The following PRRX1 variants were observed in gnomAD, a reference collection of about 807,000 sequenced individuals.
PRRX1 encodes the protein paired related homeobox 1, also known as paired mesoderm homeobox protein 1.
A neutral mutation model predicts 24.0 loss-of-function variants in PRRX1; 8 were observed. The observed-to-expected ratio is 0.33, with a 90% CI of 0.20 to 0.60. The LOEUF (loss-of-function observed/expected upper bound fraction) is 0.60. Ranked by LOEUF, PRRX1 falls within the 20% of genes least tolerant of loss-of-function variation. The pLI, the probability that PRRX1 is intolerant of heterozygous loss-of-function variation, is 0.82. For missense variants in PRRX1, 281 were observed against 322.4 expected (o/e 0.87, Z 0.98); for synonymous variants, 160 against 131.7 (o/e 1.22, Z -1.47).
intron 1 of PRRX1, among the ~76,000 whole-genome samples, chr1:170,681,687 T>C (rs1321210702): frequency 1.3e-5 from 2 of 152,170 alleles, no homozygotes; most frequent in African/African-American, 4.8e-5. Context: ...TCCAAAAGTA[T>C]GGCCTTGAAC....
chr1:170,734,575 T>C (rs1438512544), intron 3 of PRRX1, among the ~76,000 whole-genome samples: 1 of 152,036 alleles, frequency 6.6e-6, no homozygotes, highest in Non-Finnish European at 1.5e-5. Context: ...TGAGTAAGAG[T>C]TAAGCAGGCA....
Position 170,719,769 on chromosome 1 carries a change from A to T in PRRX1, c.285A>T (p.Arg95=). The change falls in exon 2 of 4, where the codon CGA becomes CGT. Residue 95 remains arginine, a synonymous_variant. Coordinates refer to ENST00000239461, the MANE Select transcript of PRRX1 (RefSeq NM_022716.4). Reference sequence around the variant, plus strand: ...AAGAAAAAAAGAAGAGAAAGCAGCGAAGGAATAGGACAACCTTCAATAGCA... The same window carrying T: ...AAGAAAAAAAGAAGAGAAAGCAGCGTAGGAATAGGACAACCTTCAATAGCA... ...NSEEKKKRKQ[R]RNRTTFNSSQ... is the part of the protein sequence containing the mutation. 1 of 1,614,232 alleles carries T rather than the reference A, an allele frequency of 6.2e-7. No homozygotes were observed.
rs139841996 is a variant in PRRX1, at chr1:170,725,843, GC to G, written c.418-376del. 2.5e-3 allele frequency among the ~76,000 whole-genome samples: 374 copies of G among 152,306 alleles called. 2 individuals carry two copies. The highest frequency in any genetic ancestry group is 8.6e-3 in the African/African-American group (359 of 41,580). On this transcript the variant is annotated intron_variant, in intron 2 of 3. Coordinates refer to ENST00000239461, the MANE Select transcript of PRRX1 (RefSeq NM_022716.4). The stretch of plus-strand genomic sequence containing the variant: ...TCACATTTTGAAGAATTTTGAAAAA[GC>G]TTTTAGAAAAGTCATTATTTCTGTG...
At chr1:170,689,999 A>G (rs534803342) in intron 1 of PRRX1, among the ~76,000 whole-genome samples, 1 of 151,812 alleles carries the variant, frequency 6.6e-6, no homozygotes, top group South Asian at 2.1e-4. Context: ...CCTCATCTGT[A>G]TGAAACACTT....
chr1:170,669,994 G>A (rs1323707262), intron 1 of PRRX1, among the ~76,000 whole-genome samples: 1 of 152,064 alleles, frequency 6.6e-6, no homozygotes, highest in Admixed American at 6.6e-5. Flanking sequence ...TAAAACGTGG[G>A]GGCTCGCATT....
chr1:170,735,868 T>C (rs935011690), intron 3 of PRRX1, among the ~76,000 whole-genome samples, 180 bp from the exon 4 acceptor site: 1 of 152,214 alleles, frequency 6.6e-6, no homozygotes, highest in Non-Finnish European at 1.5e-5. Context: ...ATGACCACTC[T>C]TCCCTAAGTA....
At chr1:170,665,182 A>T (rs1201153815) in intron 1 of PRRX1, among the ~76,000 whole-genome samples, 1 of 152,214 alleles carries the variant, frequency 6.6e-6, no homozygotes. Flanking sequence ...CCAGCCCCGC[A>T]TGATCCCGCA....
intron 3 of PRRX1, among the ~76,000 whole-genome samples, chr1:170,734,770 TCTTAA>T (rs1401737023): frequency 6.6e-6 from 1 of 152,186 alleles, no homozygotes; most frequent in African/African-American, 2.4e-5. Context: ...TCATTATATT[TCTTAA>T]CTTAATTTTC....
At chr1:170,726,556 G>C in intron 3 of PRRX1, 155 bp downstream of exon 3, 1 of 910,704 alleles carries the variant, frequency 1.1e-6, no homozygotes, top group South Asian at 1.7e-5. Context: ...TTTCCCAGGA[G>C]ATTATAAGCT....
chr1:170,664,507 G>T, intron 1 of PRRX1, 48 bp downstream of exon 1: 1 of 1,561,754 alleles, frequency 6.4e-7, no homozygotes, highest in Non-Finnish European at 8.7e-7. Flanking sequence ...GGGACAGAGG[G>T]CGGGGACCCG....
At chr1:170,714,819 C>T (rs190612607) in intron 1 of PRRX1, among the ~76,000 whole-genome samples, 1 of 152,284 alleles carries the variant, frequency 6.6e-6, no homozygotes, top group East Asian at 1.9e-4. Context: ...GAGTGAACTT[C>T]ATACTAGAGC....
At chr1:170,667,553 T>G (rs1261744541) in intron 1 of PRRX1, 1 of 151,840 alleles carries the variant, frequency 6.6e-6, no homozygotes, top group Non-Finnish European at 1.5e-5. Flanking sequence ...TACTTGGAAG[T>G]CAGGACAGCT....
chr1:170,703,423 G>C (rs1654456105), intron 1 of PRRX1, among the ~76,000 whole-genome samples: 1 of 152,170 alleles, frequency 6.6e-6, no homozygotes. Flanking sequence ...GAGGTTCTTA[G>C]CAAGTAGTTA....
chr1:170,721,021 G>C lies in PRRX1; in HGVS notation c.417+1120G>C, dbSNP rs556458958. ...TTGCAGATGAGAAAACTGAGACACA[G>C]AGAGGTCAAAGTATTTTGCACAACA... On this transcript the variant is annotated intron_variant, in intron 2 of 3. Coordinates refer to ENST00000239461, the MANE Select transcript of PRRX1 (RefSeq NM_022716.4). 3.3e-5 allele frequency among the ~76,000 whole-genome samples: 5 copies of C among 152,334 alleles called. No individual in the cohort carries two copies. The East Asian group carries it at 9.7e-4, about 29-fold the overall frequency.
chr1:170,714,583 C>T (rs545300374), intron 1 of PRRX1, among the ~76,000 whole-genome samples: 9 of 152,208 alleles, frequency 5.9e-5, no homozygotes, highest in Non-Finnish European at 8.8e-5. Flanking sequence ...CTTTAAATTA[C>T]GTTTGGCTGA....
At chr1:170,716,512 A>G (rs1654912385) in intron 1 of PRRX1, among the ~76,000 whole-genome samples, 1 of 150,926 alleles carries the variant, frequency 6.6e-6, no homozygotes, top group African/African-American at 2.4e-5. Context: ...TGAACCCAGG[A>G]GGCGGAGGTT....
chr1:170,717,685 T>C (rs1283454147), intron 1 of PRRX1, among the ~76,000 whole-genome samples: 1 of 152,166 alleles, frequency 6.6e-6, no homozygotes, highest in African/African-American at 2.4e-5. Context: ...TTGTATTACT[T>C]AGAAAGACCT....
At chr1:170,707,588 A>G (rs1172634468) in intron 1 of PRRX1, among the ~76,000 whole-genome samples, 2 of 152,150 alleles carry the variant, frequency 1.3e-5, no homozygotes, top group Non-Finnish European at 2.9e-5. Flanking sequence ...GAATCTCCTG[A>G]GTCTATGAAA....
At chr1:170,729,557 G>A (rs993548131) in intron 3 of PRRX1, among the ~76,000 whole-genome samples, 1 of 152,128 alleles carries the variant, frequency 6.6e-6, no homozygotes, top group Non-Finnish European at 1.5e-5. Context: ...TGTTCAAACT[G>A]GGACATTTTT....
Sources: allele counts gnomAD v4.1 joint callset (sites outside exome capture counted in the v4.1 genomes callset), GRCh38; gene constraint gnomAD v4.1.1; transcripts MANE v1.5; gene names NCBI Gene and HGNC (gene_info 2026-07-23, HGNC 2026-07-21).